Variants in SCLT1 observed in about 807,000 individuals in gnomAD.
SCLT1 encodes sodium channel and clathrin linker 1, also known as sodium channel-associated protein 1.
Under a neutral mutation model 112.8 loss-of-function variants are expected in SCLT1, and 78 were observed. The ratio of observed to expected loss-of-function variants is 0.69; its 90% CI spans 0.58 to 0.83. SCLT1 has a LOEUF of 0.83. SCLT1 is among the 40% of genes least tolerant of loss of function. SCLT1 has a pLI of 0.00. For synonymous variants in SCLT1, 257 were observed against 254.7 expected (o/e 1.01, Z -0.09); for missense variants, 747 against 770.4 (o/e 0.97, Z 0.36).
At chr4:128,960,926 CAAAAAAAA>C (rs34599122) in intron 11 of SCLT1, among the ~76,000 whole-genome samples, 3 of 52,494 alleles carry the variant, frequency 5.7e-5, no homozygotes, top group East Asian at 6.4e-4. Flanking sequence ...GACTCCGTCT[CAAAAAAAA>C]AAAAAAAAAA....
At chr4:129,004,531 A>C (rs2126090499) in intron 5 of SCLT1, among the ~76,000 whole-genome samples, 1 of 152,240 alleles carries the variant, frequency 6.6e-6, no homozygotes, top group African/African-American at 2.4e-5. Flanking sequence ...TACAACTTAA[A>C]AGAATGATTG....
chr4:128,970,589 T>G, intron 9 of SCLT1, 121 bp from the exon 10 acceptor site: 6 of 615,092 alleles, frequency 9.8e-6, no homozygotes, highest in East Asian at 2.9e-5. Context: ...AATGGATCCA[T>G]GGAATAAATT....
chr4:129,067,989 C>T lies in SCLT1; in HGVS notation c.102+14317G>A, dbSNP rs567781807. Among the ~76,000 whole-genome samples the T allele has an allele frequency of 2.0e-5, 3 of 152,190 alleles. 1 individual carries two copies. The South Asian group carries it at 6.2e-4, about 32-fold the overall frequency. ...CAATTTGTCTTTCATCCCTCACCTC[C>T]TTGCCACCCTTTCCACCTGAGTCCC... On this transcript the variant is annotated intron_variant, in intron 2 of 20. Coordinates refer to ENST00000281142, the MANE Select transcript of SCLT1 (RefSeq NM_144643.4).
At chr4:128,989,550 A>T (rs1220825061) in intron 9 of SCLT1, among the ~76,000 whole-genome samples, 7 of 151,868 alleles carry the variant, frequency 4.6e-5, no homozygotes, top group African/African-American at 1.7e-4. Context: ...CAACCTAAGG[A>T]TATATCTTAA....
At chr4:128,954,656 A>G (rs1222846974) in intron 13 of SCLT1, among the ~76,000 whole-genome samples, 1 of 152,180 alleles carries the variant, frequency 6.6e-6, no homozygotes, top group Non-Finnish European at 1.5e-5. Flanking sequence ...TTTCCTATGA[A>G]TAATTATATT....
In SCLT1 at chr4:129,006,244, G is replaced by T. The variant is rs1175021763; in HGVS notation, c.291-2368C>A. ...AACTGACAGTAAGACAGTTTTTAGGGTCTTAAAATTTTTAGCCAGGTTCGG... is the reference window on the plus strand; with the variant it reads ...AACTGACAGTAAGACAGTTTTTAGGTTCTTAAAATTTTTAGCCAGGTTCGG... On this transcript the variant is annotated intron_variant, in intron 5 of 20. Transcript: ENST00000281142. Among the ~76,000 whole-genome samples the T allele has an allele frequency of 2.0e-5, 3 of 151,962 alleles. No homozygotes were observed. The South Asian group carries it at 6.2e-4, about 32-fold the overall frequency.
At chr4:129,055,865 C>A (rs1749334823) in intron 2 of SCLT1, among the ~76,000 whole-genome samples, 1 of 151,984 alleles carries the variant, frequency 6.6e-6, no homozygotes, top group Non-Finnish European at 1.5e-5. Flanking sequence ...AAAACTCCTG[C>A]AGCTAGCTTG....
chr4:128,932,227 G>GT (rs1240481240), intron 18 of SCLT1, among the ~76,000 whole-genome samples: 4 of 151,836 alleles, frequency 2.6e-5, no homozygotes, highest in African/African-American at 9.7e-5. Flanking sequence ...TACATTATAG[G>GT]TTTTTTAAAA....
At chr4:128,975,163 T>C (rs1224291184) in intron 9 of SCLT1, among the ~76,000 whole-genome samples, 3 of 151,276 alleles carry the variant, frequency 2.0e-5, no homozygotes, top group Non-Finnish European at 4.4e-5. Flanking sequence ...CTCAGCCTCC[T>C]GAGTAGCTGG....
At chr4:129,083,186 G>GA (rs10651058) in intron 1 of SCLT1, among the ~76,000 whole-genome samples, 20,339 of 84,444 alleles carry the variant, frequency 0.24, 3,240 homozygotes, top group East Asian at 0.42. Flanking sequence ...GTGAGACTCT[G>GA]AAAAAAAAAA....
At chr4:128,969,429 A>G (rs1463507116) in intron 10 of SCLT1, among the ~76,000 whole-genome samples, 1 of 151,844 alleles carries the variant, frequency 6.6e-6, no homozygotes, top group Non-Finnish European at 1.5e-5. Flanking sequence ...AAAATTAGCC[A>G]GGCGTGGCGG....
At chr4:128,912,212 C>A (rs1735153624) in intron 18 of SCLT1, among the ~76,000 whole-genome samples, 1 of 151,968 alleles carries the variant, frequency 6.6e-6, no homozygotes, top group Non-Finnish European at 1.5e-5. Context: ...TAATTAAAGA[C>A]CTAATTGGTT....
intron 2 of SCLT1, among the ~76,000 whole-genome samples, chr4:129,056,813 C>T (rs571774071): frequency 7.2e-5 from 11 of 152,120 alleles, no homozygotes; most frequent in African/African-American, 1.4e-4. Flanking sequence ...AATTTGGATG[C>T]GCTTTAATTT....
At chr4:128,942,395 A>G (rs370497798) in intron 17 of SCLT1, among the ~76,000 whole-genome samples, 3 of 152,264 alleles carry the variant, frequency 2.0e-5, no homozygotes, top group African/African-American at 7.2e-5. Flanking sequence ...GTCTCATGAC[A>G]TGGGGAAAGG....
chr4:128,952,940 G>T (rs1365452561), intron 13 of SCLT1, 100 bp from the exon 14 acceptor site: 3 of 700,396 alleles, frequency 4.3e-6, no homozygotes, highest in Non-Finnish European at 7.5e-6. Context: ...AAATAAAATT[G>T]TAACTTTTAG....
downstream of SCLT1, among the ~76,000 whole-genome samples, chr4:128,882,977 T>C (rs756006103): frequency 2.9e-4 from 44 of 151,960 alleles, no homozygotes; most frequent in Non-Finnish European, 5.2e-4. Context: ...TGAAACCCCA[T>C]CTCTATTAAA....
intron 18 of SCLT1, among the ~76,000 whole-genome samples, chr4:128,892,920 A>T (rs540458634): frequency 2.6e-5 from 4 of 152,338 alleles, no homozygotes; most frequent in Admixed American, 2.0e-4. Flanking sequence ...ACTTTAATGT[A>T]TCTTGTGCAG....
At chr4:129,052,937 T>A (rs1300707634) in intron 2 of SCLT1, among the ~76,000 whole-genome samples, 1 of 152,204 alleles carries the variant, frequency 6.6e-6, no homozygotes, top group Non-Finnish European at 1.5e-5. Flanking sequence ...GTCTTTGTTC[T>A]CACTGGTTTC....
At chr4:128,927,575 A>C (rs1339082028) in intron 18 of SCLT1, among the ~76,000 whole-genome samples, 1 of 151,864 alleles carries the variant, frequency 6.6e-6, no homozygotes. Context: ...ACCCTGTCTC[A>C]GAAAAAAAAA....
Sources: gnomAD v4.1 joint callset for allele counts (sites outside exome capture counted in the v4.1 genomes callset) on GRCh38, gnomAD v4.1.1 for gene constraint, MANE v1.5 for transcripts, NCBI Gene and HGNC (gene_info 2026-07-23, HGNC 2026-07-21) for gene names.